Variants in AKAP6 observed in about 807,000 individuals in gnomAD.
AKAP6 encodes A-kinase anchor protein 6.
Under a neutral mutation model 188.5 loss-of-function variants are expected in AKAP6, and 58 were observed. The ratio of observed to expected loss-of-function variants is 0.31; its 90% CI spans 0.25 to 0.38. The LOEUF is 0.38. Ranked by LOEUF, AKAP6 falls within the 10% of genes least tolerant of loss-of-function variation. The probability of loss-of-function intolerance (pLI) is 1.00; values close to 1 mark genes in which losing one functional copy is unlikely to be tolerated. For missense variants in AKAP6, 2,710 were observed against 2,740.0 expected (o/e 0.99, Z 0.24); for synonymous variants, 989 against 998.6 (o/e 0.99, Z 0.18).
chr14:32,331,664 A>G (rs1422820245), intron 1 of AKAP6, among the ~76,000 whole-genome samples: 1 of 152,136 alleles, frequency 6.6e-6, no homozygotes, highest in Non-Finnish European at 1.5e-5. Context: ...CAGTTGTCTT[A>G]GTTTTAATAT....
At chr14:32,725,002 A>AAAAAAAAAAAAC (rs1421193173) in intron 9 of AKAP6, among the ~76,000 whole-genome samples, 2 of 148,826 alleles carry the variant, frequency 1.3e-5, no homozygotes, top group Non-Finnish European at 3.0e-5. Flanking sequence ...AAAAAAAAAA[A>AAAAAAAAAAAAC]AAAAAAAAAA....
At chr14:32,594,475 A>G (rs1469320273) in intron 5 of AKAP6, among the ~76,000 whole-genome samples, 1 of 152,182 alleles carries the variant, frequency 6.6e-6, no homozygotes, top group Non-Finnish European at 1.5e-5. Flanking sequence ...TTAAATGCTT[A>G]CTCATAGAAA....
At chr14:32,808,284 A>T (rs1421478315) in intron 12 of AKAP6, among the ~76,000 whole-genome samples, 1 of 152,230 alleles carries the variant, frequency 6.6e-6, no homozygotes, top group Admixed American at 6.5e-5. Context: ...AAGAGAGAAG[A>T]CACATTAGCT....
chr14:32,352,103 T>TTGTGTG (rs398024717), intron 1 of AKAP6, among the ~76,000 whole-genome samples: 2 of 120,356 alleles, frequency 1.7e-5, no homozygotes, highest in Non-Finnish European at 3.5e-5. Context: ...GTGTGTGTGT[T>TTGTGTG]TGTGTGTGTG....
chr14:32,836,032 A>G lies in AKAP6; in HGVS notation c.*6227A>G, dbSNP rs2034871750. ...TCTGGCCCTTGATTAATGGGTTCTC[A>G]CCAAAGCAGAAATTACGCAGAGCTT... On this transcript the variant is annotated 3_prime_UTR_variant, in exon 14 of 14. Coordinates refer to ENST00000280979, the MANE Select transcript of AKAP6 (RefSeq NM_004274.5). 6.6e-6 allele frequency: 1 copy of G among 152,248 alleles called. No homozygotes were observed. The highest frequency in any genetic ancestry group is 2.1e-4 in the South Asian group (1 of 4,832). 9.4% of individuals were successfully genotyped at this position (152,248 alleles called of 1,614,324 possible). A position where few individuals can be genotyped will look rare whatever the true frequency, so the allele number is the denominator to read the frequency against.
At position 32,468,701 on chromosome 14, in the gene AKAP6, T is replaced by C. The variant is rs116356225; in HGVS notation, c.324+34884T>C. Among the ~76,000 whole-genome samples the C allele has an allele frequency of 2.8e-3, 421 of 152,262 alleles. 5 individuals carry two copies. Among genetic ancestry groups the C allele is most frequent in the African/African-American group, 9.1e-3 (380 of 41,562 alleles). On this transcript the variant is annotated intron_variant, in intron 2 of 13. Coordinates refer to ENST00000280979, the MANE Select transcript of AKAP6 (RefSeq NM_004274.5). The stretch of plus-strand genomic sequence containing the variant: ...CCCTCCTCCCATCTTTGTCCCTCCA[T>C]TCTTTCTCCCAGGTACTCCATATCC...
chr14:32,801,863 C>T (rs2033959615), intron 12 of AKAP6, among the ~76,000 whole-genome samples: 1 of 152,098 alleles, frequency 6.6e-6, no homozygotes, highest in Admixed American at 6.5e-5. Context: ...ATGAGAAGTC[C>T]ACTGTAGTTC....
intron 12 of AKAP6, among the ~76,000 whole-genome samples, chr14:32,812,673 C>T (rs1475306068): frequency 1.3e-5 from 2 of 152,190 alleles, no homozygotes; most frequent in Non-Finnish European, 2.9e-5. Context: ...TGCTTAACAA[C>T]TATGAATAAT....
intron 7 of AKAP6, among the ~76,000 whole-genome samples, chr14:32,629,460 T>C (rs1261359542): frequency 2.1e-5 from 3 of 145,954 alleles, no homozygotes. Flanking sequence ...GCAGTCATGT[T>C]TTTTTTTTTT....
intron 7 of AKAP6, among the ~76,000 whole-genome samples, chr14:32,647,720 TAA>T (rs1888041584): frequency 6.6e-6 from 1 of 152,092 alleles, no homozygotes; most frequent in East Asian, 1.9e-4. Flanking sequence ...ACATGAGTGC[TAA>T]GTTACTATTC....
At chr14:32,407,194 CCTT>C (rs1566486863) in intron 1 of AKAP6, among the ~76,000 whole-genome samples, 1 of 152,168 alleles carries the variant, frequency 6.6e-6, no homozygotes, top group South Asian at 2.1e-4. Flanking sequence ...ACCCCTGTTT[CCTT>C]CTTCTTTCTT....
At chr14:32,559,940 A>G (rs984628907) in intron 4 of AKAP6, among the ~76,000 whole-genome samples, 1 of 152,056 alleles carries the variant, frequency 6.6e-6, no homozygotes, top group Non-Finnish European at 1.5e-5. Context: ...CTGACTGAAG[A>G]AAGAAATAGA....
At chr14:32,759,098 G>GA (rs1051197144) in intron 11 of AKAP6, among the ~76,000 whole-genome samples, 5 of 151,930 alleles carry the variant, frequency 3.3e-5, no homozygotes, top group Admixed American at 6.5e-5. Flanking sequence ...TCCCATCTGG[G>GA]AAAAAAAATG....
intron 7 of AKAP6, among the ~76,000 whole-genome samples, chr14:32,676,466 A>T (rs538048133): frequency 6.6e-6 from 1 of 152,248 alleles, no homozygotes; most frequent in East Asian, 1.9e-4. Context: ...CACATCATCA[A>T]TAAAGATACT....
intron 7 of AKAP6, among the ~76,000 whole-genome samples, chr14:32,650,171 A>G (rs1439412062): frequency 1.3e-5 from 2 of 152,168 alleles, no homozygotes; most frequent in East Asian, 3.9e-4. Context: ...CCTAAACACT[A>G]AAGTAGTGGT....
chr14:32,536,894 G>GC (rs1459865360), intron 3 of AKAP6, among the ~76,000 whole-genome samples: 1 of 152,124 alleles, frequency 6.6e-6, no homozygotes, highest in African/African-American at 2.4e-5. Flanking sequence ...GGGTGTGTAC[G>GC]CGCAGGCATG....
intron 9 of AKAP6, among the ~76,000 whole-genome samples, chr14:32,716,665 T>TC (rs71432077): frequency 1.4e-5 from 2 of 143,594 alleles, no homozygotes; most frequent in Non-Finnish European, 3.0e-5. Flanking sequence ...ATGGTATACA[T>TC]TATCTATCTA....
intron 7 of AKAP6, among the ~76,000 whole-genome samples, chr14:32,661,984 T>C (rs1888718360): frequency 1.3e-5 from 2 of 152,050 alleles, no homozygotes; most frequent in Non-Finnish European, 2.9e-5. Flanking sequence ...AAGCAGAATA[T>C]GACTCTCAAT....
At chr14:32,460,090 C>T (rs1328261111) in intron 2 of AKAP6, among the ~76,000 whole-genome samples, 1 of 152,124 alleles carries the variant, frequency 6.6e-6, no homozygotes, top group Non-Finnish European at 1.5e-5. Flanking sequence ...TTAATATAAT[C>T]AAGCCTTTAG....
Sources: gnomAD v4.1 joint callset for allele counts (sites outside exome capture counted in the v4.1 genomes callset) on GRCh38, gnomAD v4.1.1 for gene constraint, MANE v1.5 for transcripts, NCBI Gene and HGNC (gene_info 2026-07-23, HGNC 2026-07-21) for gene names.